SCRG1: variants seen among roughly 807,000 people sequenced by gnomAD.
The protein encoded by SCRG1 is stimulator of chondrogenesis 1.
SCRG1 carries 3 observed loss-of-function variants against 7.7 expected under a neutral mutation model. The ratio of observed to expected loss-of-function variants is 0.39; its 90% CI spans 0.18 to 1.01. The LOEUF (loss-of-function observed/expected upper bound fraction) is 1.01, where lower values mean the gene tolerates loss of function less well. Among genes scored for constraint, SCRG1 ranks in the 50% least tolerant of loss-of-function variants. The pLI is 0.36. For missense variants in SCRG1, 110 were observed against 117.2 expected, an observed-to-expected ratio of 0.94 and a Z score of 0.28; for synonymous variants, 46 against 41.2, an observed-to-expected ratio of 1.12 and a Z score of -0.44.
chr4:173,427,319 G>A, the SCRG1 span, among the ~76,000 whole-genome samples: 1 of 152,118 alleles, frequency 6.6e-6, no homozygotes, highest in African/African-American at 2.4e-5. Context: ...TGTGGAAAAA[G>A]CAAAAACAAG....
the SCRG1 span, among the ~76,000 whole-genome samples, chr4:173,445,583 G>GAAA: frequency 0.9 from 127,159 of 141,358 alleles, 58,661 homozygotes; most frequent in Non-Finnish European, 0.99. Context: ...CTCCGTCTCG[G>GAAA]AAAAAAAAAA....
At chr4:173,427,404 A>G in the SCRG1 span, among the ~76,000 whole-genome samples, 1 of 152,258 alleles carries the variant, frequency 6.6e-6, no homozygotes, top group Non-Finnish European at 1.5e-5. Context: ...AAAACTGAAG[A>G]AAAACAAAAA....
At chr4:173,472,870 C>T in the SCRG1 span, among the ~76,000 whole-genome samples, 1 of 152,136 alleles carries the variant, frequency 6.6e-6, no homozygotes, top group African/African-American at 2.4e-5. Context: ...CACAGAATTA[C>T]CCAACACAGC....
the SCRG1 span, among the ~76,000 whole-genome samples, chr4:173,495,060 T>A: frequency 6.6e-6 from 1 of 152,186 alleles, no homozygotes; most frequent in South Asian, 2.1e-4. Flanking sequence ...TTTATTCACA[T>A]GAAAAATAGG....
chr4:173,495,391 T>C, the SCRG1 span, among the ~76,000 whole-genome samples: 1 of 152,242 alleles, frequency 6.6e-6, no homozygotes, highest in Non-Finnish European at 1.5e-5. Context: ...GGCATGACTT[T>C]TAAACGGTGA....
At chr4:173,405,977 T>TGAC (rs2126924886) in intron 1 of SCRG1, among the ~76,000 whole-genome samples, 1 of 152,340 alleles carries the variant, frequency 6.6e-6, no homozygotes, top group Non-Finnish European at 1.5e-5. Context: ...TCCTCTCAGC[T>TGAC]GACAGAGCAA....
chr4:173,509,512 G>C, the SCRG1 span, among the ~76,000 whole-genome samples: 3 of 152,186 alleles, frequency 2.0e-5, no homozygotes, highest in Non-Finnish European at 2.9e-5. This position sits in a 1 kb window ranked among gnomAD's most constrained non-coding sequence, Gnocchi z 5.7. Flanking sequence ...GGGCGGTAGC[G>C]GGACCTGCGC....
the SCRG1 span, among the ~76,000 whole-genome samples, chr4:173,486,566 T>G: frequency 6.6e-6 from 1 of 152,202 alleles, no homozygotes; most frequent in South Asian, 2.1e-4. Context: ...CACACACCAT[T>G]TAAAAATATA....
chr4:173,465,951 G>C, the SCRG1 span, among the ~76,000 whole-genome samples: 1 of 152,224 alleles, frequency 6.6e-6, no homozygotes, highest in African/African-American at 2.4e-5. Flanking sequence ...TATGAAGGGA[G>C]TGTCATTTCC....
chr4:173,486,324 C>T, the SCRG1 span, among the ~76,000 whole-genome samples: 1 of 152,074 alleles, frequency 6.6e-6, no homozygotes, highest in Non-Finnish European at 1.5e-5. Context: ...TGATTTTAAC[C>T]TTAAATTCTT....
At chr4:173,506,839 G>T in the SCRG1 span, among the ~76,000 whole-genome samples, 1 of 152,188 alleles carries the variant, frequency 6.6e-6, no homozygotes, top group Admixed American at 6.5e-5. The surrounding 1 kb of genome is among the most constrained non-coding windows in gnomAD (Gnocchi z 5.3). Flanking sequence ...TGGGCTCTCT[G>T]AGAGTCCGAC....
chr4:173,485,077 TATATA>T, the SCRG1 span, among the ~76,000 whole-genome samples: 3 of 8,914 alleles, frequency 3.4e-4, no homozygotes, highest in South Asian at 1.9e-3. Context: ...TATTATATAT[TATATA>T]ATATATTATA....
the SCRG1 span, among the ~76,000 whole-genome samples, chr4:173,487,681 C>T: frequency 1.3e-5 from 2 of 151,594 alleles, no homozygotes; most frequent in African/African-American, 2.4e-5. Flanking sequence ...TTTAAAATTC[C>T]CTCTCAGCAC....
At position 173,391,202 on chromosome 4, in the gene SCRG1, G is replaced by C; in HGVS notation, c.213C>G (p.Cys71Trp). Residue 71 changes from cysteine to tryptophan, a missense_variant, in exon 2 of 3, where the codon TGC (cysteine) becomes TGG (tryptophan). Transcript: ENST00000296506. The part of the protein sequence containing the change: ...DGKGCEMICY[C>W]NFSELLCCPK... ...GGCAGCAGAGCAATTCGCTGAAGTT[G>C]CAGTAACAGATCATCTCACATCCCT... The C allele has an allele frequency of 6.2e-7, 1 of 1,614,156 alleles. No homozygotes were observed. The highest frequency in any genetic ancestry group is 8.5e-7 in the Non-Finnish European group (1 of 1,180,016).
At chr4:173,448,434 TGAA>T in the SCRG1 span, among the ~76,000 whole-genome samples, 1 of 152,224 alleles carries the variant, frequency 6.6e-6, no homozygotes, top group South Asian at 2.1e-4. Context: ...CCGCTCTTGT[TGAA>T]GAAGGATTGC....
the SCRG1 span, among the ~76,000 whole-genome samples, chr4:173,478,261 C>A: frequency 1.1e-4 from 16 of 152,128 alleles, no homozygotes; most frequent in Middle Eastern, 3.2e-3. Context: ...CATAGAATCT[C>A]ATCTCTTCAT....
At chr4:173,415,772 T>G in the SCRG1 span, among the ~76,000 whole-genome samples, 1 of 152,242 alleles carries the variant, frequency 6.6e-6, no homozygotes, top group African/African-American at 2.4e-5. Context: ...TCTCTTCTGG[T>G]CAGTTTTATA....
the SCRG1 span, among the ~76,000 whole-genome samples, chr4:173,480,354 T>A: frequency 6.6e-6 from 1 of 152,224 alleles, no homozygotes; most frequent in East Asian, 1.9e-4. Flanking sequence ...ACTGGTTTTT[T>A]TTGTTTGTTT....
the SCRG1 span, among the ~76,000 whole-genome samples, chr4:173,466,317 G>A: frequency 6.6e-6 from 1 of 152,136 alleles, no homozygotes; most frequent in Non-Finnish European, 1.5e-5. Context: ...GCTGGAATAT[G>A]TTACATTCCA....
Sources: allele counts gnomAD v4.1 joint callset (sites outside exome capture counted in the v4.1 genomes callset), GRCh38; gene constraint gnomAD v4.1.1; non-coding constraint Gnocchi (gnomAD v3.1); transcripts MANE v1.5; gene names NCBI Gene and HGNC (gene_info 2026-07-23, HGNC 2026-07-21).